The following RBFOX1 variants were observed in gnomAD, a reference collection of about 807,000 sequenced individuals.
RBFOX1 encodes the protein RNA binding protein fox-1 homolog 1.
Under a neutral mutation model 57.7 loss-of-function variants are expected in RBFOX1, and 8 were observed. The ratio of observed to expected loss-of-function variants is 0.14; its 90% CI spans 0.08 to 0.25. The LOEUF is 0.25. RBFOX1 is among the 10% of genes least tolerant of loss of function. The pLI is 1.00. For synonymous variants in RBFOX1, 326 were observed against 222.4 expected (o/e 1.47, Z -4.15); for missense variants, 611 against 548.5 (o/e 1.11, Z -1.14).
chr16:7,631,998 C>T (rs1210299943), intron 11 of RBFOX1, among the ~76,000 whole-genome samples: 1 of 152,148 alleles, frequency 6.6e-6, no homozygotes, highest in Non-Finnish European at 1.5e-5. Flanking sequence ...CAACCTCCGC[C>T]TCCTGGGCTC....
At chr16:7,006,093 CAGGTGTACATT>C (rs1415705881) in intron 3 of RBFOX1, among the ~76,000 whole-genome samples, 5 of 152,162 alleles carry the variant, frequency 3.3e-5, no homozygotes, top group Non-Finnish European at 5.9e-5. Flanking sequence ...TGTTCAAATA[CAGGTGTACATT>C]TAAACATCTT....
At chr16:6,384,167 C>T (rs569631603) in intron 2 of RBFOX1, among the ~76,000 whole-genome samples, 2 of 148,196 alleles carry the variant, frequency 1.3e-5, no homozygotes, top group Middle Eastern at 3.5e-3. Context: ...TCTAAGTATT[C>T]AAGGTTAACC....
At chr16:5,831,715 G>T (rs1229524617) in intron 3 of RBFOX1, among the ~76,000 whole-genome samples, 1 of 151,978 alleles carries the variant, frequency 6.6e-6, no homozygotes, top group Non-Finnish European at 1.5e-5. Context: ...GATTACAGGT[G>T]TGAGCCACTG....
chr16:6,687,273 T>C (rs2059571062), intron 3 of RBFOX1, among the ~76,000 whole-genome samples: 3 of 152,112 alleles, frequency 2.0e-5, no homozygotes, highest in South Asian at 2.1e-4. Context: ...TAATCGACTT[T>C]GGATACTCAG....
At chr16:6,720,104 A>C (rs953312630) in intron 3 of RBFOX1, among the ~76,000 whole-genome samples, 1 of 152,098 alleles carries the variant, frequency 6.6e-6, no homozygotes, top group Non-Finnish European at 1.5e-5. Context: ...AAAAGAATAA[A>C]ATAAATAAAT....
At chr16:6,855,432 A>G (rs1279278609) in intron 3 of RBFOX1, among the ~76,000 whole-genome samples, 1 of 152,020 alleles carries the variant, frequency 6.6e-6, no homozygotes, top group Non-Finnish European at 1.5e-5. Flanking sequence ...CGGGCGGATC[A>G]TGAGGTCAGG....
At chr16:5,736,850 TC>T (rs530789702) in intron 3 of RBFOX1, among the ~76,000 whole-genome samples, 61 of 150,036 alleles carry the variant, frequency 4.1e-4, no homozygotes, top group African/African-American at 1.5e-3. Context: ...TGTCCCTCTT[TC>T]CCCCCTTCTC....
intron 1 of RBFOX1, among the ~76,000 whole-genome samples, chr16:5,425,437 G>A (rs879501425): frequency 3.9e-5 from 6 of 152,006 alleles, no homozygotes; most frequent in East Asian, 3.9e-4. Context: ...GTCCCCAAAC[G>A]TACTGGATGA....
At chr16:7,678,477 A>C (rs2073950407) in intron 14 of RBFOX1, among the ~76,000 whole-genome samples, 1 of 152,174 alleles carries the variant, frequency 6.6e-6, no homozygotes, top group South Asian at 2.1e-4. Context: ...TTTTTTATGA[A>C]AATATCTCTA....
intron 4 of RBFOX1, among the ~76,000 whole-genome samples, chr16:7,165,137 G>T (rs1242537303): frequency 6.6e-6 from 1 of 152,160 alleles, no homozygotes; most frequent in Non-Finnish European, 1.5e-5. Context: ...GCAGGTATCT[G>T]CTGGGTCCCT....
intron 4 of RBFOX1, among the ~76,000 whole-genome samples, chr16:7,159,371 T>A (rs1434111736): frequency 6.6e-6 from 1 of 152,116 alleles, no homozygotes; most frequent in Non-Finnish European, 1.5e-5. Flanking sequence ...CTGCTTGGCT[T>A]ACATGTATGT....
chr16:6,830,271 A>C (rs2092611068), intron 3 of RBFOX1, among the ~76,000 whole-genome samples: 1 of 152,216 alleles, frequency 6.6e-6, no homozygotes, highest in African/African-American at 2.4e-5. Context: ...AAGATTGTGC[A>C]TTCTGATATA....
At chr16:7,146,195 C>T (rs11649250) in intron 4 of RBFOX1, among the ~76,000 whole-genome samples, 4 of 149,646 alleles carry the variant, frequency 2.7e-5, no homozygotes, top group Non-Finnish European at 5.9e-5. Context: ...GGTTCAAGCC[C>T]CTTCCCCATT....
chr16:7,206,321 G>A (rs546696338), intron 4 of RBFOX1, among the ~76,000 whole-genome samples: 1 of 152,022 alleles, frequency 6.6e-6, no homozygotes, highest in African/African-American at 2.4e-5. Flanking sequence ...TGTGTACCAT[G>A]CAATTGGTTT....
At chr16:5,442,563 T>A (rs1597084618) in intron 1 of RBFOX1, among the ~76,000 whole-genome samples, 2 of 151,936 alleles carry the variant, frequency 1.3e-5, no homozygotes, top group East Asian at 1.9e-4. Context: ...AAAAACCAAA[T>A]CCCCGAGGGA....
rs2093609844 is a variant in RBFOX1, at chr16:7,010,615, T to C, written c.-15-41442T>C. ...CCCAGGCTAGAGTGTGGTGGAGTGA[T>C]CTTGGATGACTTAAACCAATGGCTC... On this transcript the variant is annotated intron_variant, in intron 3 of 15. Transcript: ENST00000550418. Among the ~76,000 whole-genome samples, 3 of 152,074 alleles carry C rather than the reference T, an allele frequency of 2.0e-5. 1 individual carries two copies. The highest frequency in any genetic ancestry group is 4.4e-5 in the Non-Finnish European group (3 of 68,012).
At chr16:6,432,683 AG>A (rs2094133142) in intron 2 of RBFOX1, among the ~76,000 whole-genome samples, 1 of 152,090 alleles carries the variant, frequency 6.6e-6, no homozygotes, top group Non-Finnish European at 1.5e-5. Flanking sequence ...CCCTGTCTCA[AG>A]AAAAATAATA....
rs189651740 is a variant in RBFOX1 at position 6,908,821 on chromosome 16, G to T, written c.-15-143236G>T. Among the ~76,000 whole-genome samples the T allele has an allele frequency of 1.1e-3, 160 of 152,228 alleles. 1 individual carries two copies. The highest frequency in any genetic ancestry group is 6.8e-3 in the Middle Eastern group (2 of 294). ...TTACCTCATTGATAAATGGAGGTGA[G>T]GTTGTGCCAGCCTCACAAGGCTATT... On this transcript the variant is annotated intron_variant, in intron 3 of 15. Transcript: ENST00000550418.
chr16:7,010,092 G>A (rs989730439), intron 3 of RBFOX1, among the ~76,000 whole-genome samples: 1 of 152,104 alleles, frequency 6.6e-6, no homozygotes, highest in Non-Finnish European at 1.5e-5. Flanking sequence ...CTTCTATAAC[G>A]GTTTGCCTAA....
Sources: allele counts gnomAD v4.1 joint callset (sites outside exome capture counted in the v4.1 genomes callset), GRCh38; gene constraint gnomAD v4.1.1; transcripts MANE v1.5; gene names NCBI Gene and HGNC (gene_info 2026-07-23, HGNC 2026-07-21).